The following DGKI variants were observed in gnomAD, a reference collection of about 807,000 sequenced individuals.
DGKI encodes diacylglycerol kinase iota, also known as DAG kinase iota.
A neutral mutation model predicts 147.5 loss-of-function variants in DGKI; 55 were observed. That is an observed-to-expected ratio of 0.37 (90% CI 0.30 to 0.47). The LOEUF (loss-of-function observed/expected upper bound fraction) is 0.47, where lower values mean the gene tolerates loss of function less well. Among genes scored for constraint, DGKI ranks in the 20% least tolerant of loss-of-function variants. The pLI, the probability that DGKI is intolerant of heterozygous loss-of-function variation, is 1.00. For synonymous variants in DGKI, 469 were observed against 477.1 expected, an observed-to-expected ratio of 0.98 and a Z score of 0.22; for missense variants, 1,007 against 1,323.8, an observed-to-expected ratio of 0.76 and a Z score of 3.71.
chr7:137,846,124 CTCTCTCTCTT>C lies in DGKI; in HGVS notation c.401+328_401+337del, dbSNP rs1798708380. 1.4e-5 allele frequency among the ~76,000 whole-genome samples: 2 copies of C among 141,522 alleles called. No homozygotes were observed. The highest frequency in any genetic ancestry group is 2.3e-4 in the South Asian group (1 of 4,336). 92.8% of individuals were successfully genotyped at this position (141,522 alleles called of 152,430 possible). On this transcript the variant is annotated intron_variant, in intron 1 of 32. Coordinates refer to ENST00000614521, the MANE Select transcript of DGKI (RefSeq NM_001321708.2). The surrounding 1 kb of genome is among the most constrained non-coding windows in gnomAD (Gnocchi z 4.0). Reference sequence around the variant, plus strand: ...CATCACTGAGTCTGCAACCCTTTCTCTCTCTCTCTTTCTCTCTCTCTCTCTCTCTCTCTCT... The same window carrying C: ...CATCACTGAGTCTGCAACCCTTTCTCTCTCTCTCTCTCTCTCTCTCTCTCT...
At chr7:137,656,205 A>T (rs1394619766) in intron 4 of DGKI, among the ~76,000 whole-genome samples, 1 of 152,254 alleles carries the variant, frequency 6.6e-6, no homozygotes, top group Non-Finnish European at 1.5e-5. Context: ...GAATCAGTGC[A>T]CACCAGGCTT....
chr7:137,505,292 T>C (rs758540404), intron 21 of DGKI, among the ~76,000 whole-genome samples: 3 of 152,084 alleles, frequency 2.0e-5, no homozygotes, highest in Non-Finnish European at 4.4e-5. Context: ...CTTATGATAC[T>C]CTCCTACCTC....
At chr7:137,756,150 G>A (rs1352336892) in intron 1 of DGKI, among the ~76,000 whole-genome samples, 1 of 152,162 alleles carries the variant, frequency 6.6e-6, no homozygotes, top group African/African-American at 2.4e-5. Context: ...TTCCTGCAGA[G>A]GCTTTAATAA....
intron 1 of DGKI, among the ~76,000 whole-genome samples, chr7:137,693,850 T>C (rs1486003548): frequency 1.3e-5 from 2 of 152,210 alleles, no homozygotes; most frequent in Non-Finnish European, 2.9e-5. Flanking sequence ...TAAAAATAAA[T>C]GCAAATAAGG....
chr7:137,425,281 G>A (rs1812750731), intron 28 of DGKI, among the ~76,000 whole-genome samples: 1 of 152,184 alleles, frequency 6.6e-6, no homozygotes, highest in African/African-American at 2.4e-5. Context: ...TGATACCCAG[G>A]CAAACAGGGT....
intron 1 of DGKI, among the ~76,000 whole-genome samples, chr7:137,749,414 G>A (rs1795434356): frequency 6.6e-6 from 1 of 152,104 alleles, no homozygotes; most frequent in Admixed American, 6.5e-5. Flanking sequence ...ACTGGTCTCA[G>A]GCATCAAAAA....
At position 137,485,432 on chromosome 7, in the gene DGKI, G is replaced by GAAAAAA; in HGVS notation, c.2329-20_2329-15dup. On this transcript the variant is annotated splice_polypyrimidine_tract_variant and intron_variant, in intron 22 of 32. Coordinates refer to ENST00000614521, the MANE Select transcript of DGKI (RefSeq NM_001321708.2). Reference sequence around the variant, plus strand: ...TGACTGTAGGTCCTAATGAGAAAATGAAAAAAAAAATCCATACCTTAAAAT... The same window carrying GAAAAAA: ...TGACTGTAGGTCCTAATGAGAAAATGAAAAAAAAAAAAAAAATCCATACCTTAAAAT... The GAAAAAA allele has an allele frequency of 6.6e-7, 1 of 1,520,680 alleles. No individual in the cohort carries two copies. The highest frequency in any genetic ancestry group is 8.9e-7 in the Non-Finnish European group (1 of 1,122,798). The allele number at this position is 1,520,680 out of a possible 1,614,324, so 94.2% of individuals were successfully genotyped here. A position where few individuals can be genotyped will look rare whatever the true frequency, so the allele number is the denominator to read the frequency against.
At chr7:137,397,535 A>G (rs187402645) in intron 30 of DGKI, 122 bp from the exon 31 acceptor site, 13 of 868,028 alleles carry the variant, frequency 1.5e-5, no homozygotes, top group Admixed American at 4.8e-5. Flanking sequence ...AGGAATAATA[A>G]GACAGAAAGA....
At chr7:137,577,596 T>C (rs1184749220) in intron 16 of DGKI, among the ~76,000 whole-genome samples, 2 of 152,232 alleles carry the variant, frequency 1.3e-5, no homozygotes, top group African/African-American at 4.8e-5. Flanking sequence ...GTCCATTAAG[T>C]GCTGATACAG....
chr7:137,416,478 A>T (rs1475548923), intron 28 of DGKI, among the ~76,000 whole-genome samples: 1 of 152,210 alleles, frequency 6.6e-6, no homozygotes, highest in Non-Finnish European at 1.5e-5. Context: ...TTGTGTTGCC[A>T]CATCTGAGGT....
chr7:137,730,272 C>T (rs546095164), intron 1 of DGKI, among the ~76,000 whole-genome samples: 1 of 152,266 alleles, frequency 6.6e-6, no homozygotes, highest in African/African-American at 2.4e-5. Context: ...CATCACCTTT[C>T]CCAGGACCTG....
intron 1 of DGKI, among the ~76,000 whole-genome samples, chr7:137,818,812 G>A (rs1238564179): frequency 6.6e-6 from 1 of 152,074 alleles, no homozygotes; most frequent in Non-Finnish European, 1.5e-5. Context: ...AAAAACTCAG[G>A]AAAAACTCAG....
intron 20 of DGKI, among the ~76,000 whole-genome samples, chr7:137,532,676 T>A (rs1817381708): frequency 6.6e-6 from 1 of 152,094 alleles, no homozygotes; most frequent in African/African-American, 2.4e-5. Context: ...TTGTCGGAAA[T>A]CCAAGAAGGA....
chr7:137,408,514 G>C (rs1465353766), intron 29 of DGKI, among the ~76,000 whole-genome samples: 1 of 152,094 alleles, frequency 6.6e-6, no homozygotes, highest in Non-Finnish European at 1.5e-5. Context: ...CTGAATACAA[G>C]TATAGACACA....
At chr7:137,806,207 T>C (rs1489550949) in intron 1 of DGKI, among the ~76,000 whole-genome samples, 1 of 152,182 alleles carries the variant, frequency 6.6e-6, no homozygotes, top group East Asian at 1.9e-4. Context: ...TCACTGATCA[T>C]GAGTAAATGC....
intron 5 of DGKI, 119 bp downstream of exon 5, chr7:137,654,613 A>C: frequency 1.3e-6 from 1 of 753,130 alleles, no homozygotes; most frequent in Non-Finnish European, 2.3e-6. Flanking sequence ...TTAACAAAAA[A>C]TTGGCATGCA....
intron 20 of DGKI, among the ~76,000 whole-genome samples, chr7:137,543,797 T>A (rs1817777786): frequency 6.6e-6 from 1 of 152,140 alleles, no homozygotes; most frequent in Admixed American, 6.5e-5. Flanking sequence ...TTGCTGAAAT[T>A]AGCAAACACT....
chr7:137,773,716 C>CAA (rs796915848), intron 1 of DGKI, among the ~76,000 whole-genome samples: 1 of 147,270 alleles, frequency 6.8e-6, no homozygotes, highest in Non-Finnish European at 1.5e-5. Context: ...AACCAAAATA[C>CAA]AAAAAAAAAA....
At chr7:137,593,518 A>G (rs1402519439) in intron 12 of DGKI, among the ~76,000 whole-genome samples, 1 of 152,224 alleles carries the variant, frequency 6.6e-6, no homozygotes, top group Non-Finnish European at 1.5e-5. Context: ...AGCTGTAACT[A>G]TGTGACAGCC....
Sources: allele counts gnomAD v4.1 joint callset (sites outside exome capture counted in the v4.1 genomes callset), GRCh38; gene constraint gnomAD v4.1.1; non-coding constraint Gnocchi (gnomAD v3.1); transcripts MANE v1.5; gene names NCBI Gene and HGNC (gene_info 2026-07-23, HGNC 2026-07-21).